Variants in FSTL5 observed in about 807,000 individuals in gnomAD.
The protein encoded by FSTL5 is follistatin like 5, also known as follistatin-related protein 5.
Under a neutral mutation model 89.1 loss-of-function variants are expected in FSTL5, and 62 were observed. That is an observed-to-expected ratio of 0.70 (90% CI 0.57 to 0.86). The LOEUF is 0.86. Ranked by LOEUF, FSTL5 falls within the 40% of genes least tolerant of loss-of-function variation. The pLI, the probability that FSTL5 is intolerant of heterozygous loss-of-function variation, is 0.00. For missense variants in FSTL5, 1,057 were observed against 1,001.6 expected, an observed-to-expected ratio of 1.06 and a Z score of -0.75; for synonymous variants, 383 against 346.2, an observed-to-expected ratio of 1.11 and a Z score of -1.18.
chr4:161,633,073 T>C (rs1735554367), intron 7 of FSTL5, among the ~76,000 whole-genome samples: 2 of 151,710 alleles, frequency 1.3e-5, no homozygotes, highest in Admixed American at 6.6e-5. Flanking sequence ...TCCTGTTACC[T>C]AGCAAATGAT....
intron 7 of FSTL5, among the ~76,000 whole-genome samples, chr4:161,589,148 CCA>C (rs1733721709): frequency 6.9e-6 from 1 of 145,802 alleles, no homozygotes. Context: ...TCCATCACAC[CCA>C]GTTAATTGTT....
intron 15 of FSTL5, among the ~76,000 whole-genome samples, chr4:161,395,207 TA>T (rs1438630284): frequency 7.2e-5 from 11 of 152,146 alleles, no homozygotes; most frequent in Admixed American, 2.6e-4. Context: ...ATTGCAAACA[TA>T]GGGGCAAAGA....
Position 161,478,058 on chromosome 4 carries a change from T to C in FSTL5, c.1608+2962A>G, listed in dbSNP as rs1729356248. ...GCATACACACACATAAACTCACATG[T>C]AATATTCGGTCTCACTTTTCAACTC... is the stretch of plus-strand genomic sequence containing the variant. On this transcript the variant is annotated intron_variant, in intron 13 of 15. Coordinates refer to ENST00000306100, the MANE Select transcript of FSTL5 (RefSeq NM_020116.5). 3.3e-5 allele frequency among the ~76,000 whole-genome samples: 5 copies of C among 152,192 alleles called. No individual in the cohort carries two copies. In the South Asian group the frequency reaches 1.0e-3, roughly 32 times the overall value.
chr4:161,604,465 A>G (rs1734367267), intron 7 of FSTL5, among the ~76,000 whole-genome samples: 1 of 152,170 alleles, frequency 6.6e-6, no homozygotes, highest in Admixed American at 6.5e-5. Context: ...AGTGAAGGGT[A>G]CTCTAAAAAA....
intron 3 of FSTL5, among the ~76,000 whole-genome samples, chr4:161,960,518 A>G (rs1245089222): frequency 1.3e-5 from 2 of 152,016 alleles, no homozygotes; most frequent in Non-Finnish European, 2.9e-5. Context: ...AATTATATGC[A>G]TAAATCTTAC....
intron 7 of FSTL5, among the ~76,000 whole-genome samples, chr4:161,620,739 GATA>G (rs1280316611): frequency 6.6e-6 from 1 of 152,092 alleles, no homozygotes; most frequent in Non-Finnish European, 1.5e-5. Flanking sequence ...TGATAATTTA[GATA>G]TACAGAAATG....
At chr4:161,597,679 A>G (rs1368254894) in intron 7 of FSTL5, among the ~76,000 whole-genome samples, 2 of 151,980 alleles carry the variant, frequency 1.3e-5, no homozygotes, top group Admixed American at 6.6e-5. Context: ...AAGAATAAAA[A>G]GGAGACAAGC....
chr4:161,614,066 T>C (rs1294803042), intron 7 of FSTL5, among the ~76,000 whole-genome samples: 1 of 152,192 alleles, frequency 6.6e-6, no homozygotes, highest in Non-Finnish European at 1.5e-5. Context: ...CTATTTAAAA[T>C]ACTTTCTTTT....
At chr4:161,535,591 C>G (rs72685730) in intron 10 of FSTL5, among the ~76,000 whole-genome samples, 11,335 of 151,978 alleles carry the variant, frequency 0.075, 535 homozygotes, top group Middle Eastern at 0.16. Context: ...AACAGTAGAT[C>G]CTGGCAAGGT....
intron 3 of FSTL5, among the ~76,000 whole-genome samples, chr4:162,012,445 A>T (rs1736796217): frequency 6.6e-6 from 1 of 152,214 alleles, no homozygotes; most frequent in Admixed American, 6.5e-5. Context: ...AACATGGATT[A>T]TTACTGAATA....
At chr4:161,952,345 CAG>C (rs2110956051) in intron 3 of FSTL5, among the ~76,000 whole-genome samples, 1 of 151,954 alleles carries the variant, frequency 6.6e-6, no homozygotes, top group East Asian at 1.9e-4. Context: ...AAAATCAGGA[CAG>C]GGGAAATAAA....
chr4:161,633,636 C>T (rs1250007812), intron 7 of FSTL5, among the ~76,000 whole-genome samples: 2 of 151,952 alleles, frequency 1.3e-5, no homozygotes, highest in African/African-American at 4.8e-5. Context: ...TGAACCACCG[C>T]ACCCAGCCTA....
At chr4:162,160,493 AT>A (rs79794239) in intron 1 of FSTL5, among the ~76,000 whole-genome samples, 79,654 of 151,258 alleles carry the variant, frequency 0.53, 21,157 homozygotes, top group Admixed American at 0.59. Flanking sequence ...AACAGGAAAT[AT>A]TTTTTTCTAG....
At chr4:161,767,763 T>C (rs1741065634) in intron 5 of FSTL5, among the ~76,000 whole-genome samples, 1 of 151,930 alleles carries the variant, frequency 6.6e-6, no homozygotes, top group Non-Finnish European at 1.5e-5. Context: ...CACATACTCA[T>C]TCTGAATAGG....
intron 8 of FSTL5, among the ~76,000 whole-genome samples, chr4:161,550,876 T>C (rs1732183849): frequency 6.6e-6 from 1 of 151,914 alleles, no homozygotes; most frequent in African/African-American, 2.4e-5. Context: ...GAATGATGAT[T>C]TCCAATTTCA....
chr4:161,547,297 A>C (rs556219985), intron 8 of FSTL5, among the ~76,000 whole-genome samples: 2 of 152,036 alleles, frequency 1.3e-5, no homozygotes, highest in Non-Finnish European at 2.9e-5. Flanking sequence ...CTGTTCTCAA[A>C]TTATTTGATT....
At chr4:161,700,651 A>G (rs2126729359) in intron 6 of FSTL5, among the ~76,000 whole-genome samples, 1 of 152,286 alleles carries the variant, frequency 6.6e-6, no homozygotes, top group Middle Eastern at 3.4e-3. Context: ...TGCTGGGATT[A>G]CAGGCATGAG....
At chr4:161,830,740 C>T (rs1579123713) in intron 4 of FSTL5, among the ~76,000 whole-genome samples, 2 of 151,602 alleles carry the variant, frequency 1.3e-5, no homozygotes, top group African/African-American at 4.8e-5. Context: ...CATCATGAAC[C>T]CCAGAATATT....
At chr4:161,824,728 A>T (rs1730612149) in intron 4 of FSTL5, among the ~76,000 whole-genome samples, 1 of 152,124 alleles carries the variant, frequency 6.6e-6, no homozygotes, top group Admixed American at 6.5e-5. Flanking sequence ...TCTTGATTTG[A>T]TTCTCAGCTT....
Sources: allele counts gnomAD v4.1 joint callset (sites outside exome capture counted in the v4.1 genomes callset), GRCh38; gene constraint gnomAD v4.1.1; transcripts MANE v1.5; gene names NCBI Gene and HGNC (gene_info 2026-07-23, HGNC 2026-07-21).